Variants in KYNU observed in about 807,000 individuals in gnomAD.
The protein encoded by KYNU is L-kynurenine hydrolase.
Under a neutral mutation model 59.2 loss-of-function variants are expected in KYNU, and 54 were observed. The observed-to-expected ratio is 0.91, with a 90% CI of 0.73 to 1.14. KYNU has a LOEUF of 1.14. Among genes scored for constraint, KYNU ranks in the 50% most tolerant of loss-of-function variants. The pLI is 0.00. For synonymous variants in KYNU, 177 were observed against 192.0 expected (o/e 0.92, Z 0.65); for missense variants, 567 against 554.4 (o/e 1.02, Z -0.23).
chr2:143,017,071 G>T (rs1469297310), intron 10 of KYNU, among the ~76,000 whole-genome samples: 1 of 152,132 alleles, frequency 6.6e-6, no homozygotes, highest in Non-Finnish European at 1.5e-5. Context: ...TTGCTGAAAA[G>T]GACACGCTTT....
In KYNU at chr2:142,929,019, A is replaced by AC. The variant is rs1431643938; in HGVS notation, c.373+1278_373+1279insC. ...TGACACCCTGTCTCAAAAAAAAAAAAAAAAAACAAAAAACGAACAACACTC... is the reference window on the plus strand; with the variant it reads ...TGACACCCTGTCTCAAAAAAAAAAAACAAAAAACAAAAAACGAACAACACTC... On this transcript the variant is annotated intron_variant, in intron 4 of 13. Coordinates refer to ENST00000264170, the MANE Select transcript of KYNU (RefSeq NM_003937.3). Among the ~76,000 whole-genome samples the AC allele has an allele frequency of 1.2e-3, 183 of 147,354 alleles. 1 individual carries two copies. Among genetic ancestry groups the AC allele is most frequent in the African/African-American group, 4.6e-3 (176 of 38,650 alleles).
chr2:142,912,839 A>G (rs1160252422), intron 2 of KYNU, among the ~76,000 whole-genome samples: 1 of 148,602 alleles, frequency 6.7e-6, no homozygotes, highest in Non-Finnish European at 1.5e-5. Flanking sequence ...CCTCCAAATT[A>G]GCTGGGACTA....
At chr2:143,031,730 C>A (rs565314884) in intron 11 of KYNU, among the ~76,000 whole-genome samples, 2 of 152,158 alleles carry the variant, frequency 1.3e-5, no homozygotes, top group Non-Finnish European at 2.9e-5. Context: ...GTCTCAAAAA[C>A]AAAAACAAAA....
chr2:143,004,937 C>T (rs1450518178), intron 10 of KYNU, among the ~76,000 whole-genome samples: 4 of 152,192 alleles, frequency 2.6e-5, no homozygotes, highest in Non-Finnish European at 5.9e-5. Context: ...TGGGTGCCAT[C>T]TGATCCAATG....
intron 2 of KYNU, among the ~76,000 whole-genome samples, chr2:142,893,167 C>T (rs2104928104): frequency 6.6e-6 from 1 of 152,284 alleles, no homozygotes; most frequent in Admixed American, 6.5e-5. Flanking sequence ...ATTTGACAGT[C>T]ATCAGCATTT....
At chr2:142,974,137 T>C (rs1034842238) in intron 8 of KYNU, among the ~76,000 whole-genome samples, 5 of 152,234 alleles carry the variant, frequency 3.3e-5, no homozygotes, top group African/African-American at 1.2e-4. Context: ...AGAAGTCTAT[T>C]ATTCCAAGGA....
rs1478521861 is a variant in KYNU at position 142,922,194 on chromosome 2, GATA to G, written c.290+3468_290+3470del. Among the ~76,000 whole-genome samples the G allele has an allele frequency of 4.6e-5, 7 of 152,150 alleles. No individual in the cohort carries two copies. The East Asian group carries it at 5.8e-4, about 13-fold the overall frequency. Reference sequence around the variant, plus strand: ...TGAAAGTAGTTGCTTAGTTGAAAAAGATAATGTTAAAAATGTATAATCTTGACC... The same window carrying G: ...TGAAAGTAGTTGCTTAGTTGAAAAAGATGTTAAAAATGTATAATCTTGACC... On this transcript the variant is annotated intron_variant, in intron 3 of 13. Transcript: ENST00000264170.
rs925451935 is a variant in KYNU at position 142,972,646 on chromosome 2, A to C, written c.729+11876A>C. The stretch of plus-strand genomic sequence containing the variant: ...CTGAGAGAGTTTAAGCACTTCCTCA[A>C]GGCAATTTAGCTGGCAAGTAAAGGC... On this transcript the variant is annotated intron_variant, in intron 8 of 13. Transcript: ENST00000264170. 4.6e-5 allele frequency among the ~76,000 whole-genome samples: 7 copies of C among 152,184 alleles called. 1 individual carries two copies. In the East Asian group the frequency reaches 1.4e-3, roughly 29 times the overall value.
At chr2:142,956,784 G>A (rs965798693) in intron 6 of KYNU, among the ~76,000 whole-genome samples, 4 of 151,976 alleles carry the variant, frequency 2.6e-5, no homozygotes, top group African/African-American at 9.7e-5. Context: ...TACTTTACTT[G>A]ATGATGAGTT....
chr2:142,902,751 G>A (rs1394702755), intron 2 of KYNU, among the ~76,000 whole-genome samples: 1 of 152,198 alleles, frequency 6.6e-6, no homozygotes, highest in Non-Finnish European at 1.5e-5. Context: ...GCTAGAAGTA[G>A]ATTATCCATG....
intron 4 of KYNU, among the ~76,000 whole-genome samples, chr2:142,949,159 A>T (rs937868651): frequency 6.6e-6 from 1 of 152,098 alleles, no homozygotes; most frequent in African/African-American, 2.4e-5. Context: ...GGGCAGCTCC[A>T]CCCCTGTGGC....
intron 4 of KYNU, among the ~76,000 whole-genome samples, chr2:142,933,331 A>G (rs192425014): frequency 6.6e-6 from 1 of 152,260 alleles, no homozygotes; most frequent in African/African-American, 2.4e-5. Context: ...GAGTGAGGAC[A>G]GGGCTGAGGT....
chr2:142,990,596 G>C (rs1452540472), intron 10 of KYNU, among the ~76,000 whole-genome samples: 1 of 151,808 alleles, frequency 6.6e-6, no homozygotes, highest in Non-Finnish European at 1.5e-5. Context: ...ATGTGAGCCA[G>C]TGAAATCATA....
intron 2 of KYNU, among the ~76,000 whole-genome samples, chr2:142,888,223 G>A (rs933394085): frequency 2.6e-5 from 4 of 152,080 alleles, no homozygotes; most frequent in East Asian, 1.9e-4. Context: ...TTAGGGAGGC[G>A]GAGGCTGGAG....
chr2:142,880,011 T>A (rs1245782556), intron 1 of KYNU, among the ~76,000 whole-genome samples: 1 of 152,206 alleles, frequency 6.6e-6, no homozygotes, highest in Non-Finnish European at 1.5e-5. Flanking sequence ...GAAATGTTTG[T>A]CTAAGTCTTT....
intron 8 of KYNU, among the ~76,000 whole-genome samples, chr2:142,981,091 A>G (rs1445701991): frequency 6.6e-6 from 1 of 152,132 alleles, no homozygotes. Flanking sequence ...CTACCAACCA[A>G]TGGGGAAATA....
chr2:142,948,368 ATCAC>A (rs1325621963), intron 4 of KYNU, among the ~76,000 whole-genome samples: 3 of 152,224 alleles, frequency 2.0e-5, no homozygotes, highest in Non-Finnish European at 2.9e-5. Flanking sequence ...ATCTGACCAG[ATCAC>A]TCAAACTTTC....
intron 8 of KYNU, among the ~76,000 whole-genome samples, chr2:142,965,712 G>A (rs759075897): frequency 4.0e-4 from 61 of 152,122 alleles, no homozygotes; most frequent in Non-Finnish European, 6.9e-4. Context: ...TTCCTGAAAT[G>A]GCAGCTAAGA....
intron 4 of KYNU, among the ~76,000 whole-genome samples, chr2:142,928,335 T>C (rs1367426200): frequency 6.6e-6 from 1 of 152,204 alleles, no homozygotes. Context: ...TTAATTGGCT[T>C]AAATATTCAG....
Sources: gnomAD v4.1 joint callset for allele counts (sites outside exome capture counted in the v4.1 genomes callset) on GRCh38, gnomAD v4.1.1 for gene constraint, MANE v1.5 for transcripts, NCBI Gene and HGNC (gene_info 2026-07-23, HGNC 2026-07-21) for gene names.